Variants in GSG1 observed in about 807,000 individuals in gnomAD.
The protein encoded by GSG1 is germ cell-specific gene 1 protein.
A neutral mutation model predicts 30.8 loss-of-function variants in GSG1; 28 were observed. That is an observed-to-expected ratio of 0.91 (90% confidence interval 0.67 to 1.25). The LOEUF is 1.25. GSG1 is among the 50% of genes most tolerant of loss of function. The pLI is 0.00. For synonymous variants in GSG1, 162 were observed against 178.0 expected (o/e 0.91, Z 0.71); for missense variants, 435 against 444.7 (o/e 0.98, Z 0.20).
rs1168933856 is a variant in GSG1, at chr12:13,084,368, T to G, written c.*533A>C. On this transcript the variant is annotated 3_prime_UTR_variant, in exon 7 of 7. Coordinates refer to ENST00000651961, the MANE Select transcript of GSG1 (RefSeq NM_001080555.4). ...GGACAATATTTAATAACACTTTTAC[T>G]GGGTACCTACTGTGTGGATGCAGGA... 2 of 152,834 alleles carry G rather than the reference T, an allele frequency of 1.3e-5. No individual in the cohort carries two copies. Among genetic ancestry groups the G allele is most frequent in the Non-Finnish European group, 2.9e-5 (2 of 68,534 alleles). The allele number at this position is 152,834 out of a possible 1,614,324, so 9.5% of individuals were successfully genotyped here. A position where few individuals can be genotyped will look rare whatever the true frequency, so the allele number is the denominator to read the frequency against.
intron 1 of GSG1, chr12:13,095,629 CTG>C (rs1184605605): frequency 1.2e-5 from 20 of 1,614,186 alleles, no homozygotes; most frequent in Non-Finnish European, 1.7e-5. Context: ...TGCAGCTTGT[CTG>C]GAAGAACCGA....
At chr12:13,099,759 T>TTTTTTTTTTTTTTTTTTG (rs1863045802) in intron 1 of GSG1, among the ~76,000 whole-genome samples, 9 of 144,708 alleles carry the variant, frequency 6.2e-5, no homozygotes, top group Non-Finnish European at 1.0e-4. Flanking sequence ...TGTTTTTTTT[T>TTTTTTTTTTTTTTTTTTG]TTTTTTTTTG....
At chr12:13,102,318 T>A (rs953641144) in intron 1 of GSG1, among the ~76,000 whole-genome samples, 2 of 152,218 alleles carry the variant, frequency 1.3e-5, no homozygotes, top group Non-Finnish European at 2.9e-5. Flanking sequence ...TCCTGCAGAT[T>A]GAGGCAATGG....
chr12:13,103,521 G>A lies in GSG1; in HGVS notation c.-9C>T, dbSNP rs765619661. 3.7e-6 allele frequency: 6 copies of A among 1,613,916 alleles called. No homozygotes were observed. The East Asian group carries it at 1.1e-4, about 30-fold the overall frequency. On this transcript the variant is annotated 5_prime_UTR_variant, in exon 1 of 7. Transcript: ENST00000651961. ...TGAGAGGGATCGCTCATTCACTCTT[G>A]CAGCGGGAAGGCAGAGAAGTTTCAG...
rs996278144 is a variant in GSG1 at position 13,101,393 on chromosome 12, C to G, written c.48+2072G>C. 1.3e-5 allele frequency among the ~76,000 whole-genome samples: 2 copies of G among 152,228 alleles called. No individual in the cohort carries two copies. Among genetic ancestry groups the G allele is most frequent in the African/African-American group, 4.8e-5 (2 of 41,476 alleles). On this transcript the variant is annotated intron_variant, in intron 1 of 6. Coordinates refer to ENST00000651961, the MANE Select transcript of GSG1 (RefSeq NM_001080555.4). This position sits in a 1 kb window ranked among gnomAD's most constrained non-coding sequence, Gnocchi z 5.8. ...GCCCCGCCCCGCGGCCGCCAACCAC[C>G]CATGGCTTCCTGACCGGGTCGGGCG...
At chr12:13,090,325 C>A (rs1340031059) in intron 2 of GSG1, among the ~76,000 whole-genome samples, 178 bp downstream of exon 2, 1 of 152,246 alleles carries the variant, frequency 6.6e-6, no homozygotes, top group African/African-American at 2.4e-5. Context: ...GAGAAGGACA[C>A]TGGACGGAGG....
chr12:13,094,510 C>T (rs1866473135), intron 1 of GSG1, among the ~76,000 whole-genome samples: 1 of 152,208 alleles, frequency 6.6e-6, no homozygotes, highest in South Asian at 2.1e-4. Flanking sequence ...TTGGTAGACA[C>T]TGAAGTCGCG....
intron 4 of GSG1, 63 bp from the exon 5 acceptor site, chr12:13,088,122 G>C: frequency 6.3e-7 from 1 of 1,587,586 alleles, no homozygotes. Flanking sequence ...AATAAGCGGT[G>C]AGCATAGGAT....
chr12:13,086,338 A>C (rs1182208697), intron 6 of GSG1, among the ~76,000 whole-genome samples: 1 of 152,190 alleles, frequency 6.6e-6, no homozygotes, highest in Non-Finnish European at 1.5e-5. Context: ...ATTAGCGCAG[A>C]TTGTACCACA....
intron 6 of GSG1, among the ~76,000 whole-genome samples, chr12:13,086,141 T>A (rs1467926753): frequency 6.6e-6 from 1 of 152,214 alleles, no homozygotes; most frequent in Non-Finnish European, 1.5e-5. Context: ...CTGCTGCCTC[T>A]GACAAATGCA....
chr12:13,084,972 C>T lies in GSG1; in HGVS notation c.1018G>A (p.Gly340Arg), dbSNP rs113320245. 1,510 of 1,552,054 alleles carry T rather than the reference C, an allele frequency of 9.7e-4. 16 individuals are homozygous for T. The African/African-American group carries it at 0.018, about 19-fold the overall frequency. ...TCCTGGCTGGCCCCTCTTTGAAATC[C>T]CTTGTTCCGCAGCTCGGAGTAGAAG... ...VDFYSELRNK[G>R]FQRGASQELK... The change falls in exon 7 of 7, where the codon GGA (glycine) becomes AGA (arginine). Residue 340 changes from glycine to arginine, a missense_variant. By Grantham distance (125) the Gly-to-Arg change is moderately radical (BLOSUM62 -2). Coordinates refer to ENST00000651961, the MANE Select transcript of GSG1 (RefSeq NM_001080555.4).
intron 1 of GSG1, among the ~76,000 whole-genome samples, chr12:13,096,696 A>T (rs987948908): frequency 6.6e-6 from 1 of 152,146 alleles, no homozygotes; most frequent in Non-Finnish European, 1.5e-5. Context: ...GAGTTTCTAA[A>T]ATGCTGAAAA....
intron 1 of GSG1, chr12:13,095,501 G>A (rs1246104964): frequency 8.7e-7 from 1 of 1,143,560 alleles, no homozygotes; most frequent in African/African-American, 1.5e-5. Flanking sequence ...GGCTAGGAAG[G>A]ACAACAGATC....
At chr12:13,095,542 A>T in intron 1 of GSG1, 1 of 1,521,018 alleles carries the variant, frequency 6.6e-7, no homozygotes, top group Non-Finnish European at 9.1e-7. Context: ...TAAAAGAGCC[A>T]GGTACAAAAT....
intron 1 of GSG1, among the ~76,000 whole-genome samples, chr12:13,099,749 T>TG (rs1565551004): frequency 8.2e-6 from 1 of 122,646 alleles, no homozygotes; most frequent in East Asian, 2.8e-4. Flanking sequence ...TGTTTTTTTT[T>TG]GTTTTTTTTT....
At chr12:13,099,702 CT>C (rs1863007101) in intron 1 of GSG1, among the ~76,000 whole-genome samples, 1 of 150,406 alleles carries the variant, frequency 6.6e-6, no homozygotes, top group African/African-American at 2.4e-5. Flanking sequence ...TACCACACCA[CT>C]TCTCTAATGC....
At chr12:13,099,745 T>TTTTGG (rs1863017057) in intron 1 of GSG1, among the ~76,000 whole-genome samples, 1 of 122,082 alleles carries the variant, frequency 8.2e-6, no homozygotes, top group Non-Finnish European at 1.6e-5. Context: ...CCGGTGTTTT[T>TTTTGG]TTTTGTTTTT....
intron 3 of GSG1, 122 bp from the exon 4 acceptor site, chr12:13,089,031 A>G: frequency 7.6e-7 from 1 of 1,313,268 alleles, no homozygotes. Flanking sequence ...CGCATAGAGC[A>G]GGAAAGCAGG....
In GSG1 at chr12:13,101,409, G is replaced by C. The variant is rs11055238; in HGVS notation, c.48+2056C>G. On this transcript the variant is annotated intron_variant, in intron 1 of 6. Coordinates refer to ENST00000651961, the MANE Select transcript of GSG1 (RefSeq NM_001080555.4). This position sits in a 1 kb window ranked among gnomAD's most constrained non-coding sequence, Gnocchi z 5.8. Reference sequence around the variant, plus strand: ...GCCAACCACCCATGGCTTCCTGACCGGGTCGGGCGGGGGTACCCGGGCTGT... The same window carrying C: ...GCCAACCACCCATGGCTTCCTGACCCGGTCGGGCGGGGGTACCCGGGCTGT... Among the ~76,000 whole-genome samples, 6,292 of 152,332 alleles carry C rather than the reference G, an allele frequency of 0.041. 436 individuals are homozygous for C. Among genetic ancestry groups the C allele is most frequent in the East Asian group, 0.32 (1,631 of 5,162 alleles).
Sources: allele counts gnomAD v4.1 joint callset (sites outside exome capture counted in the v4.1 genomes callset), GRCh38; gene constraint gnomAD v4.1.1; non-coding constraint Gnocchi (gnomAD v3.1); transcripts MANE v1.5; gene names NCBI Gene and HGNC (gene_info 2026-07-23, HGNC 2026-07-21).